EIF5A2: variants seen among roughly 807,000 people sequenced by gnomAD.
EIF5A2 encodes the protein eukaryotic translation initiation factor 5A-2.
EIF5A2 carries 15 observed loss-of-function variants against 16.4 expected under a neutral mutation model. The ratio of observed to expected loss-of-function variants is 0.92; its 90% CI spans 0.61 to 1.41. The LOEUF is 1.41. EIF5A2 is among the 40% of genes most tolerant of loss of function. The probability of loss-of-function intolerance (pLI) is 0.00; values close to 1 mark genes in which losing one functional copy is unlikely to be tolerated. For missense variants in EIF5A2, 144 were observed against 189.5 expected (o/e 0.76, Z 1.41); for synonymous variants, 48 against 61.1 (o/e 0.79, Z 1.00).
Position 170,891,540 on chromosome 3 carries a change from A to G in EIF5A2, c.*1820T>C, listed in dbSNP as rs962034786. 1 of 152,146 alleles carries G rather than the reference A, an allele frequency of 6.6e-6. No homozygotes were observed. The highest frequency in any genetic ancestry group is 2.4e-5 in the African/African-American group (1 of 41,440). 9.4% of individuals were successfully genotyped at this position (152,146 alleles called of 1,614,324 possible). A position where few individuals can be genotyped will look rare whatever the true frequency, so the allele number is the denominator to read the frequency against. On this transcript the variant is annotated 3_prime_UTR_variant, in exon 5 of 5. Transcript: ENST00000295822. ...AGTGTGTACAAATTAAGCAACTAAA[A>G]CTTGGGATCTTCTGTTACTAATGCT...
intron 3 of EIF5A2, among the ~76,000 whole-genome samples, chr3:170,895,874 T>C (rs914883790): frequency 7.9e-5 from 12 of 152,180 alleles, no homozygotes; most frequent in South Asian, 2.1e-4. Flanking sequence ...GGGCGTCTCA[T>C]TATATTGCCT....
In EIF5A2 at chr3:170,892,986, A is replaced by G. The variant is rs1712572398; in HGVS notation, c.*374T>C. ...TAATGCAGAGCAGTTCAACTTAAAT[A>G]TGGTACTTCAATACCACTTTATGCT... On this transcript the variant is annotated 3_prime_UTR_variant, in exon 5 of 5. Coordinates refer to ENST00000295822, the MANE Select transcript of EIF5A2 (RefSeq NM_020390.6). 1.2e-5 allele frequency: 5 copies of G among 404,432 alleles called. No homozygotes were observed. The East Asian group carries it at 1.8e-4, about 14-fold the overall frequency. 25.1% of individuals were successfully genotyped at this position (404,432 alleles called of 1,614,324 possible).
intron 3 of EIF5A2, among the ~76,000 whole-genome samples, chr3:170,900,054 A>G (rs539838593): frequency 1.1e-4 from 17 of 152,104 alleles, no homozygotes; most frequent in African/African-American, 3.6e-4. Context: ...TGAGCAGTAT[A>G]TAAGGTTATA....
At chr3:170,905,168 A>G (rs2108296531) in intron 3 of EIF5A2, among the ~76,000 whole-genome samples, 1 of 152,380 alleles carries the variant, frequency 6.6e-6, no homozygotes, top group East Asian at 1.9e-4. Context: ...CTATGATAAA[A>G]TACCAAAATT....
At chr3:170,895,397 ACTT>A (rs1284407474) in intron 3 of EIF5A2, among the ~76,000 whole-genome samples, 2 of 152,288 alleles carry the variant, frequency 1.3e-5, no homozygotes, top group East Asian at 3.9e-4. Flanking sequence ...ATACCACTGA[ACTT>A]CTTTTACTAC....
At position 170,894,351 on chromosome 3, in the gene EIF5A2, G is replaced by A. The variant is rs1267358901; in HGVS notation, c.343C>T (p.Pro115Ser). 1 of 1,613,774 alleles carries A rather than the reference G, an allele frequency of 6.2e-7. No individual in the cohort carries two copies. The highest frequency in any genetic ancestry group is 1.3e-5 in the African/African-American group (1 of 74,866). The change falls in exon 4 of 5, where the codon CCA becomes TCA. Residue 115 changes from proline (P) to serine (S), a missense_variant. By Grantham distance (74) the Pro-to-Ser change is moderately conservative. Transcript: ENST00000295822. Reference sequence around the variant, plus strand: ...ATTTCTTTGCCTAGTTCACCTTCTGGCAGTTTAAGATCCTCACGAACTTCA... The same window carrying A: ...ATTTCTTTGCCTAGTTCACCTTCTGACAGTTTAAGATCCTCACGAACTTCA... Reference protein sequence around the residue: ...TGEVREDLKLPEGELGKEIEG... With the variant: ...TGEVREDLKLSEGELGKEIEG...
intron 3 of EIF5A2, among the ~76,000 whole-genome samples, chr3:170,902,028 G>C (rs970779579): frequency 6.6e-6 from 1 of 152,064 alleles, no homozygotes; most frequent in Admixed American, 6.6e-5. Context: ...CCACACAACT[G>C]GGAACGCACA....
In EIF5A2 at chr3:170,890,342, A is replaced by T. The variant is rs1712499300; in HGVS notation, c.*3018T>A. 1 of 152,118 alleles carries T rather than the reference A, an allele frequency of 6.6e-6. No individual in the cohort carries two copies. The highest frequency in any genetic ancestry group is 6.5e-5 in the Admixed American group (1 of 15,268). 9.4% of individuals were successfully genotyped at this position (152,118 alleles called of 1,614,324 possible). A position where few individuals can be genotyped will look rare whatever the true frequency, so the allele number is the denominator to read the frequency against. On this transcript the variant is annotated 3_prime_UTR_variant, in exon 5 of 5. Transcript: ENST00000295822. ...CCAAATTTTACAGCCTAATCATTTTATTGCAGTATCTCCTATTATAGATAT... is the reference window on the plus strand; with the variant it reads ...CCAAATTTTACAGCCTAATCATTTTTTTGCAGTATCTCCTATTATAGATAT...
At position 170,892,949 on chromosome 3, in the gene EIF5A2, T is replaced by G; in HGVS notation, c.*411A>C. ...AATATATAATCAGTTCATTTTATAT[T>G]AAATCTGTAATTAATGCAGAGCAGT... On this transcript the variant is annotated 3_prime_UTR_variant, in exon 5 of 5. Coordinates refer to ENST00000295822, the MANE Select transcript of EIF5A2 (RefSeq NM_020390.6). 2.5e-6 allele frequency: 1 copy of G among 399,514 alleles called. No homozygotes were observed. The highest frequency in any genetic ancestry group is 4.4e-6 in the Non-Finnish European group (1 of 226,812). The allele number at this position is 399,514 out of a possible 1,614,324, so 24.7% of individuals were successfully genotyped here.
intron 3 of EIF5A2, among the ~76,000 whole-genome samples, chr3:170,904,981 G>A (rs1305403197): frequency 6.6e-6 from 1 of 152,162 alleles, no homozygotes; most frequent in Admixed American, 6.5e-5. Context: ...AGGCCTGCCT[G>A]GCTTAAATCA....
rs1442365567 is a variant in EIF5A2, at chr3:170,888,461, AACAG to A, written c.*4895_*4898del. On this transcript the variant is annotated 3_prime_UTR_variant, in exon 5 of 5. Coordinates refer to ENST00000295822, the MANE Select transcript of EIF5A2 (RefSeq NM_020390.6). ...TTTATTTAATACAACTGATGAAGTT[AACAG>A]ACAAATATATTTTAATAATATCACA... The A allele has an allele frequency of 1.6e-4, 25 of 152,258 alleles. No individual in the cohort carries two copies. The highest frequency in any genetic ancestry group is 9.6e-4 in the East Asian group (5 of 5,204). 9.4% of individuals were successfully genotyped at this position (152,258 alleles called of 1,614,324 possible).
In EIF5A2 at chr3:170,907,066, T is replaced by G; in HGVS notation, c.193A>C (p.Thr65Pro). The change falls in exon 3 of 5, where the codon ACG becomes CCG. Residue 65 changes from threonine to proline, a missense_variant. Physicochemically the swap from Thr to Pro is conservative, Grantham distance 38. Coordinates refer to ENST00000295822, the MANE Select transcript of EIF5A2 (RefSeq NM_020390.6). ...KVHLVGIDIF[T>P]GKKYEDICPS... is the part of the protein sequence containing the mutation. ...CAAATATCTTCATATTTTTTGCCCG[T>G]GAAAATATCAATTCCAACAAGGTGA... The G allele has an allele frequency of 6.2e-7, 1 of 1,612,974 alleles. No homozygotes were observed. Among genetic ancestry groups the G allele is most frequent in the South Asian group, 1.1e-5 (1 of 90,872 alleles).
intron 4 of EIF5A2, among the ~76,000 whole-genome samples, chr3:170,893,684 G>C (rs961301185): frequency 2.0e-5 from 3 of 152,164 alleles, no homozygotes; most frequent in Non-Finnish European, 2.9e-5. Flanking sequence ...TTGTAACGAA[G>C]ACAGTAAATC....
At chr3:170,907,362 T>C (rs1712964910) in intron 2 of EIF5A2, among the ~76,000 whole-genome samples, 1 of 151,276 alleles carries the variant, frequency 6.6e-6, no homozygotes, top group African/African-American at 2.4e-5. Flanking sequence ...TTTCTTAGAA[T>C]TGCTAGAACA....
chr3:170,902,552 T>C (rs185498322), intron 3 of EIF5A2, among the ~76,000 whole-genome samples: 280 of 149,984 alleles, frequency 1.9e-3, no homozygotes, highest in African/African-American at 6.5e-3. Context: ...TACAGGTGCC[T>C]GCCACCACAC....
intron 4 of EIF5A2, among the ~76,000 whole-genome samples, chr3:170,893,974 T>G (rs1218762607): frequency 1.3e-5 from 2 of 150,788 alleles, no homozygotes; most frequent in African/African-American, 4.9e-5. Context: ...GAGGTTGCAA[T>G]GAGCCGAGAT....
chr3:170,902,212 CAGCTGACTGAGAA>C lies in EIF5A2; in HGVS notation c.270+4764_270+4776del, dbSNP rs574087577. Among the ~76,000 whole-genome samples the C allele has an allele frequency of 1.9e-3, 294 of 152,236 alleles. 1 individual carries two copies. The Middle Eastern group carries it at 0.044, about 23-fold the overall frequency. ...GACTAGATGGACAGTTGCCTATGAC[CAGCTGACTGAGAA>C]AGGAAAATATTCACAATGGTTTCTA... On this transcript the variant is annotated intron_variant, in intron 3 of 4. Coordinates refer to ENST00000295822, the MANE Select transcript of EIF5A2 (RefSeq NM_020390.6).
rs1712529771 is a variant in EIF5A2 at position 170,891,339 on chromosome 3, A to AAT, written c.*2020_*2021insAT. ...GTAGGTACTTAAATAGAATACTGGA[A>AAT]AGAATGTAGCCTAATTTTAATTGTG... is the stretch of plus-strand genomic sequence containing the variant. On this transcript the variant is annotated 3_prime_UTR_variant, in exon 5 of 5. Coordinates refer to ENST00000295822, the MANE Select transcript of EIF5A2 (RefSeq NM_020390.6). 7 of 152,640 alleles carry AAT rather than the reference A, an allele frequency of 4.6e-5. No individual in the cohort carries two copies. The highest frequency in any genetic ancestry group is 2.9e-5 in the Non-Finnish European group (2 of 68,028). The allele number at this position is 152,640 out of a possible 1,614,324, so 9.5% of individuals were successfully genotyped here.
At chr3:170,894,448 G>A (rs1712618089) in intron 3 of EIF5A2, 25 bp from the exon 4 acceptor site, 3 of 1,610,892 alleles carry the variant, frequency 1.9e-6, no homozygotes, top group East Asian at 2.2e-5. Flanking sequence ...TATATCATTT[G>A]TGCTGATTAG....
Sources: gnomAD v4.1 joint callset for allele counts (sites outside exome capture counted in the v4.1 genomes callset) on GRCh38, gnomAD v4.1.1 for gene constraint, MANE v1.5 for transcripts, NCBI Gene and HGNC (gene_info 2026-07-23, HGNC 2026-07-21) for gene names.